RORA: variants seen among roughly 807,000 people sequenced by gnomAD.
RORA encodes RAR related orphan receptor A.
In RORA, 7 loss-of-function variants were observed where a neutral mutation model predicts 69.5. The observed-to-expected ratio is 0.10, with a 90% confidence interval of 0.06 to 0.19. RORA has a LOEUF of 0.19. Among genes scored for constraint, RORA ranks in the 10% least tolerant of loss-of-function variants. The probability of loss-of-function intolerance (pLI) is 1.00; values close to 1 mark genes in which losing one functional copy is unlikely to be tolerated. For synonymous variants in RORA, 261 were observed against 240.8 expected (o/e 1.08, Z -0.78); for missense variants, 457 against 663.0 (o/e 0.69, Z 3.41).
intron 2 of RORA, chr15:60,598,649 G>A (rs1376299234): frequency 6.6e-6 from 1 of 152,170 alleles, no homozygotes; most frequent in Non-Finnish European, 1.5e-5. Context: ...TTATTGGCAA[G>A]GCTTCTAGTC....
intron 1 of RORA, among the ~76,000 whole-genome samples, chr15:60,945,252 T>C (rs1467605758): frequency 1.3e-5 from 2 of 152,160 alleles, no homozygotes; most frequent in Non-Finnish European, 2.9e-5. Flanking sequence ...TCATCTCTCT[T>C]TTTAAAGGAA....
intron 2 of RORA, among the ~76,000 whole-genome samples, chr15:60,653,602 C>T (rs2070178282): frequency 1.3e-5 from 2 of 152,094 alleles, no homozygotes; most frequent in Non-Finnish European, 2.9e-5. Flanking sequence ...CTTACTTTTA[C>T]GGATAAGACT....
At chr15:61,120,059 T>C (rs945348436) in intron 1 of RORA, among the ~76,000 whole-genome samples, 8 of 152,168 alleles carry the variant, frequency 5.3e-5, no homozygotes, top group African/African-American at 1.9e-4. Context: ...AAAGCCAGTG[T>C]CAGATCTAAT....
At chr15:60,556,452 A>G (rs2067361443) in intron 2 of RORA, among the ~76,000 whole-genome samples, 2 of 152,234 alleles carry the variant, frequency 1.3e-5, no homozygotes, top group South Asian at 4.1e-4. Flanking sequence ...TTTTATGAAC[A>G]GGTGATATAA....
rs150427300 is a variant in RORA, at chr15:61,156,674, A to C, written c.166+72379T>G. On this transcript the variant is annotated intron_variant, in intron 1 of 10. Transcript: ENST00000335670. ...CCATCCTTTAGGGTATAAAGATGAAATACAGCAAAGGCTTGGAAACAGAAA... is the reference window on the plus strand; with the variant it reads ...CCATCCTTTAGGGTATAAAGATGAACTACAGCAAAGGCTTGGAAACAGAAA... Among the ~76,000 whole-genome samples, 6 of 152,360 alleles carry C rather than the reference A, an allele frequency of 3.9e-5. No individual in the cohort carries two copies. In the East Asian group the frequency reaches 1.2e-3, roughly 29 times the overall value.
At chr15:60,748,423 ATAAAG>A (rs1476774987) in intron 1 of RORA, among the ~76,000 whole-genome samples, 1 of 152,180 alleles carries the variant, frequency 6.6e-6, no homozygotes, top group Non-Finnish European at 1.5e-5. Flanking sequence ...CTGCATTCAA[ATAAAG>A]TAAGAGGTTC....
At chr15:60,501,117 AGG>A in intron 8 of RORA, 48 bp from the exon 9 acceptor site, 1 of 1,030,160 alleles carries the variant, frequency 9.7e-7, no homozygotes, top group Non-Finnish European at 1.5e-6. Context: ...TTATTGTCTT[AGG>A]AGAAAAACCT....
chr15:60,545,921 C>T (rs1046808947), intron 2 of RORA, among the ~76,000 whole-genome samples: 1 of 152,172 alleles, frequency 6.6e-6, no homozygotes, highest in Non-Finnish European at 1.5e-5. Flanking sequence ...GATTTTTCTA[C>T]TGTATCATTT....
intron 2 of RORA, among the ~76,000 whole-genome samples, chr15:60,550,517 A>T (rs1310325597): frequency 6.6e-6 from 1 of 152,254 alleles, no homozygotes; most frequent in Non-Finnish European, 1.5e-5. Flanking sequence ...TATTTAAAAA[A>T]TATCAATGAA....
intron 1 of RORA, among the ~76,000 whole-genome samples, chr15:60,749,101 CT>C (rs1277661637): frequency 6.6e-6 from 1 of 152,196 alleles, no homozygotes; most frequent in Non-Finnish European, 1.5e-5. Context: ...GAGCAGTGGT[CT>C]TTCCCCCTAT....
chr15:60,773,351 A>G (rs903321231), intron 1 of RORA, among the ~76,000 whole-genome samples: 1 of 152,102 alleles, frequency 6.6e-6, no homozygotes, highest in African/African-American at 2.4e-5. Context: ...ATGGATGTAC[A>G]TATTTGTTTT....
intron 1 of RORA, among the ~76,000 whole-genome samples, chr15:60,767,893 T>C (rs903728355): frequency 2.6e-5 from 4 of 152,200 alleles, no homozygotes; most frequent in Non-Finnish European, 4.4e-5. Context: ...CGTACACTGG[T>C]GGCTTTTCAC....
At position 60,495,038 on chromosome 15, in the gene RORA, A is replaced by ATACTT. The variant is rs2065132570; in HGVS notation, c.*2412_*2416dup. Reference sequence around the variant, plus strand: ...AAGCTTTGGTTAAAAAGAAGTTAATATACTTTAATAAAACCATCCCCAAAT... The same window carrying ATACTT: ...AAGCTTTGGTTAAAAAGAAGTTAATATACTTTACTTTAATAAAACCATCCCCAAAT... On this transcript the variant is annotated 3_prime_UTR_variant, in exon 11 of 11. Coordinates refer to ENST00000335670, the MANE Select transcript of RORA (RefSeq NM_134261.3). The ATACTT allele has an allele frequency of 1.3e-5, 2 of 152,354 alleles. No individual in the cohort carries two copies. The highest frequency in any genetic ancestry group is 1.9e-4 in the East Asian group (1 of 5,194). The allele number at this position is 152,354 out of a possible 1,614,324, so 9.4% of individuals were successfully genotyped here. A position where few individuals can be genotyped will look rare whatever the true frequency, so the allele number is the denominator to read the frequency against.
intron 1 of RORA, among the ~76,000 whole-genome samples, chr15:61,054,971 G>A (rs909373605): frequency 1.1e-4 from 17 of 151,984 alleles, no homozygotes; most frequent in Admixed American, 1.0e-3. Context: ...TGAATAGCTG[G>A]GACTACAGGT....
intron 3 of RORA, among the ~76,000 whole-genome samples, chr15:60,516,902 T>C (rs1485705952): frequency 6.6e-6 from 1 of 152,092 alleles, no homozygotes; most frequent in East Asian, 1.9e-4. Flanking sequence ...TTCAGAAATA[T>C]AATTATTGAT....
chr15:60,946,867 C>T (rs561617196), intron 1 of RORA, among the ~76,000 whole-genome samples: 22 of 151,784 alleles, frequency 1.4e-4, no homozygotes, highest in African/African-American at 5.3e-4. Flanking sequence ...GTGGGGAGCG[C>T]CTCTGCCCCG....
At position 60,495,841 on chromosome 15, in the gene RORA, C is replaced by G. The variant is rs984295082; in HGVS notation, c.*1614G>C. 8.2e-5 allele frequency: 10 copies of G among 121,370 alleles called. No homozygotes were observed. Among genetic ancestry groups the G allele is most frequent in the African/African-American group, 3.0e-4 (9 of 30,470 alleles). 7.5% of individuals were successfully genotyped at this position (121,370 alleles called of 1,614,324 possible). A position where few individuals can be genotyped will look rare whatever the true frequency, so the allele number is the denominator to read the frequency against. On this transcript the variant is annotated 3_prime_UTR_variant, in exon 11 of 11. Coordinates refer to ENST00000335670, the MANE Select transcript of RORA (RefSeq NM_134261.3). Reference sequence around the variant, plus strand: ...TTTATCAGACTATTCCTTTCCCCTTCCCCCACTAGGGATCATTAAAAAAAA... The same window carrying G: ...TTTATCAGACTATTCCTTTCCCCTTGCCCCACTAGGGATCATTAAAAAAAA...
chr15:61,220,095 G>A (rs1018510931), intron 1 of RORA, among the ~76,000 whole-genome samples: 6 of 152,230 alleles, frequency 3.9e-5, no homozygotes, highest in East Asian at 3.8e-4. Context: ...TCCAAAGCAC[G>A]TGATGAGTGC....
chr15:61,174,016 A>C (rs550728789), intron 1 of RORA, among the ~76,000 whole-genome samples: 1 of 152,328 alleles, frequency 6.6e-6, no homozygotes, highest in South Asian at 2.1e-4. Context: ...TTATTGGCAG[A>C]AATTTTGGAA....
Sources: gnomAD v4.1 joint callset for allele counts (sites outside exome capture counted in the v4.1 genomes callset) on GRCh38, gnomAD v4.1.1 for gene constraint, MANE v1.5 for transcripts, NCBI Gene and HGNC (gene_info 2026-07-23, HGNC 2026-07-21) for gene names.